Variants in NELL1 observed in about 807,000 individuals in gnomAD.
NELL1 encodes the protein protein kinase C-binding protein NELL1.
Under a neutral mutation model 107.4 loss-of-function variants are expected in NELL1, and 76 were observed. The ratio of observed to expected loss-of-function variants is 0.71; its 90% CI spans 0.59 to 0.86. NELL1 has a LOEUF of 0.86. NELL1 is among the 40% of genes least tolerant of loss of function. The pLI, the probability that NELL1 is intolerant of heterozygous loss-of-function variation, is 0.00. For synonymous variants in NELL1, 353 were observed against 341.2 expected, an observed-to-expected ratio of 1.03 and a Z score of -0.38; for missense variants, 1,024 against 1,005.5, an observed-to-expected ratio of 1.02 and a Z score of -0.25.
intron 12 of NELL1, among the ~76,000 whole-genome samples, chr11:21,099,049 T>A (rs1430261033): frequency 6.6e-6 from 1 of 152,154 alleles, no homozygotes; most frequent in African/African-American, 2.4e-5. Flanking sequence ...AATTCATCTT[T>A]GTTATCAGCC....
chr11:20,958,672 CA>C (rs1413656138), intron 11 of NELL1, among the ~76,000 whole-genome samples: 1 of 152,074 alleles, frequency 6.6e-6, no homozygotes, highest in Admixed American at 6.6e-5. Flanking sequence ...CAGTCACTAT[CA>C]AAAGATACTG....
intron 14 of NELL1, among the ~76,000 whole-genome samples, chr11:21,358,030 C>T (rs139947424): frequency 5.8e-4 from 89 of 152,294 alleles, no homozygotes; most frequent in African/African-American, 2.1e-3. Context: ...TAGTATCACG[C>T]TGTTTTGATA....
chr11:21,105,097 G>T (rs992314617), intron 12 of NELL1, among the ~76,000 whole-genome samples: 6 of 152,104 alleles, frequency 3.9e-5, no homozygotes, highest in African/African-American at 1.4e-4. Flanking sequence ...CAGTTATCTA[G>T]GCATCTCCCT....
chr11:21,524,400 T>C (rs1466265247), intron 15 of NELL1, among the ~76,000 whole-genome samples: 1 of 152,140 alleles, frequency 6.6e-6, no homozygotes, highest in East Asian at 1.9e-4. Context: ...GTAAGAATCG[T>C]AGAATATTCT....
intron 14 of NELL1, among the ~76,000 whole-genome samples, chr11:21,343,371 T>G (rs897752958): frequency 1.3e-5 from 2 of 152,144 alleles, no homozygotes; most frequent in African/African-American, 4.8e-5. Context: ...GCAGCCTCCC[T>G]CTCTTTCCTT....
Position 20,669,666 on chromosome 11 carries a change from G to T in NELL1, c.-58G>T, listed in dbSNP as rs1853844254. Reference sequence around the variant, plus strand: ...AAGCCAGGCGCGCCTCAGGATCCAGGCTCATTTGCTTCCACCTAGCTTCGG... The same window carrying T: ...AAGCCAGGCGCGCCTCAGGATCCAGTCTCATTTGCTTCCACCTAGCTTCGG... On this transcript the variant is annotated 5_prime_UTR_variant, in exon 1 of 20. Coordinates refer to ENST00000357134, the MANE Select transcript of NELL1 (RefSeq NM_006157.5). This position sits in a 1 kb window ranked among gnomAD's most constrained non-coding sequence, Gnocchi z 4.4. The T allele has an allele frequency of 8.9e-6, 13 of 1,468,542 alleles. No homozygotes were observed. Among genetic ancestry groups the T allele is most frequent in the Non-Finnish European group, 1.2e-5 (13 of 1,049,162 alleles). 91.0% of individuals were successfully genotyped at this position (1,468,542 alleles called of 1,614,324 possible). A position where few individuals can be genotyped will look rare whatever the true frequency, so the allele number is the denominator to read the frequency against.
Position 20,669,735 on chromosome 11 carries a change from T to G in NELL1, c.12T>G (p.Asp4Glu). Residue 4 changes from aspartate (D) to glutamate (E), a missense_variant, in exon 1 of 20, where the codon GAT becomes GAG. Coordinates refer to ENST00000357134, the MANE Select transcript of NELL1 (RefSeq NM_006157.5). The surrounding 1 kb of genome is among the most constrained non-coding windows in gnomAD (Gnocchi z 4.4). Reference sequence around the variant, plus strand: ...GACCCTCGAGAGCGATGCCGATGGATTTGATTTTAGTTGTGTGGTTCTGTG... The same window carrying G: ...GACCCTCGAGAGCGATGCCGATGGAGTTGATTTTAGTTGTGTGGTTCTGTG... MPM[D>E]LILVVWFCVC... The G allele has an allele frequency of 6.2e-7, 1 of 1,611,566 alleles. No individual in the cohort carries two copies. Among genetic ancestry groups the G allele is most frequent in the Admixed American group, 1.7e-5 (1 of 59,896 alleles).
At chr11:21,176,326 T>A (rs1198644646) in intron 13 of NELL1, among the ~76,000 whole-genome samples, 1 of 151,838 alleles carries the variant, frequency 6.6e-6, no homozygotes, top group Non-Finnish European at 1.5e-5. Flanking sequence ...CTGAAATTGT[T>A]CCCAAGGTAG....
chr11:20,928,717 C>G (rs911434770), intron 9 of NELL1, among the ~76,000 whole-genome samples: 1 of 151,866 alleles, frequency 6.6e-6, no homozygotes, highest in African/African-American at 2.4e-5. Context: ...TACTATTCTT[C>G]TTTCATTCTA....
rs1236262060 is a variant in NELL1 at position 20,746,595 on chromosome 11, CACACACACACACGT to C, written c.185-37084_185-37071del. ...ACACACACACACACACACACACACA[CACACACACACACGT>C]GGAATTGAACATTGCCCTTTTCTCA... On this transcript the variant is annotated intron_variant, in intron 2 of 19. Transcript: ENST00000357134. Among the ~76,000 whole-genome samples the C allele has an allele frequency of 5.6e-5, 8 of 143,990 alleles. No individual in the cohort carries two copies. In the East Asian group the frequency reaches 1.0e-3, roughly 18 times the overall value. The allele number at this position is 143,990 out of a possible 152,430, so 94.5% of individuals were successfully genotyped here.
intron 15 of NELL1, among the ~76,000 whole-genome samples, chr11:21,406,797 C>T (rs1346156789): frequency 1.3e-5 from 2 of 151,972 alleles, no homozygotes; most frequent in Non-Finnish European, 2.9e-5. Context: ...GGGTATCCCT[C>T]ACCTCAAATA....
At chr11:21,027,482 A>G (rs901414299) in intron 12 of NELL1, among the ~76,000 whole-genome samples, 16 of 151,190 alleles carry the variant, frequency 1.1e-4, no homozygotes, top group African/African-American at 3.5e-4. Flanking sequence ...CAAATCCATA[A>G]TTACATGAAG....
At chr11:20,809,517 C>T (rs1489696551) in intron 3 of NELL1, among the ~76,000 whole-genome samples, 1 of 52,216 alleles carries the variant, frequency 1.9e-5, no homozygotes, top group Non-Finnish European at 3.9e-5. Context: ...AATCTCTTTC[C>T]CTCTCTCCTT....
Position 21,076,074 on chromosome 11 carries a change from T to G in NELL1, c.1301-37515T>G, listed in dbSNP as rs116807531. 5.4e-3 allele frequency among the ~76,000 whole-genome samples: 826 copies of G among 152,380 alleles called. 6 individuals carry two copies. Among genetic ancestry groups the G allele is most frequent in the African/African-American group, 0.019 (792 of 41,590 alleles). Reference sequence around the variant, plus strand: ...ATGACTAAAACAGTTTTCCAGAGTCTGAGGGAAGTTTTATTGAGTTGGATT... The same window carrying G: ...ATGACTAAAACAGTTTTCCAGAGTCGGAGGGAAGTTTTATTGAGTTGGATT... On this transcript the variant is annotated intron_variant, in intron 12 of 19. Coordinates refer to ENST00000357134, the MANE Select transcript of NELL1 (RefSeq NM_006157.5).
chr11:20,945,432 TGGCTCCATTGCCCAAG>T (rs952263251), intron 10 of NELL1, among the ~76,000 whole-genome samples: 2 of 152,196 alleles, frequency 1.3e-5, no homozygotes, highest in African/African-American at 4.8e-5. Flanking sequence ...ATGGGCAAAA[TGGCTCCATTGCCCAAG>T]GGCAGTGCTC....
At chr11:21,454,126 T>C (rs1310064381) in intron 15 of NELL1, among the ~76,000 whole-genome samples, 12 of 132,546 alleles carry the variant, frequency 9.1e-5, no homozygotes, top group Non-Finnish European at 1.9e-4. Context: ...CCCCTTCCTG[T>C]GTCCATGTGA....
chr11:21,544,124 C>T lies in NELL1; in HGVS notation c.1786+9610C>T, dbSNP rs1394335788. On this transcript the variant is annotated intron_variant, in intron 16 of 19. Transcript: ENST00000357134. ...TGAAGCAATACAGGCATATGGGGAG[C>T]CAGGGGAATTGCAATTCTAGTTCAG... 3.3e-5 allele frequency among the ~76,000 whole-genome samples: 5 copies of T among 151,804 alleles called. No homozygotes were observed. In the South Asian group the frequency reaches 6.2e-4, roughly 19 times the overall value.
At chr11:21,267,940 G>A (rs1250734687) in intron 14 of NELL1, among the ~76,000 whole-genome samples, 1 of 152,124 alleles carries the variant, frequency 6.6e-6, no homozygotes, top group Non-Finnish European at 1.5e-5. Flanking sequence ...TTCAGTAAAT[G>A]TGTGTCATTA....
chr11:20,791,853 A>G (rs182234560), intron 3 of NELL1, among the ~76,000 whole-genome samples: 30 of 150,240 alleles, frequency 2.0e-4, no homozygotes, highest in African/African-American at 7.3e-4. Context: ...TGCTATTTCT[A>G]TATCTACTGA....
Sources: gnomAD v4.1 joint callset for allele counts (sites outside exome capture counted in the v4.1 genomes callset) on GRCh38, gnomAD v4.1.1 for gene constraint, Gnocchi (gnomAD v3.1) non-coding constraint, MANE v1.5 for transcripts, NCBI Gene and HGNC (gene_info 2026-07-23, HGNC 2026-07-21) for gene names.